Variants in HNRNPLL observed in about 807,000 individuals in gnomAD.
HNRNPLL encodes heterogeneous nuclear ribonucleoprotein L-like.
HNRNPLL carries 25 observed loss-of-function variants against 67.1 expected under a neutral mutation model. The ratio of observed to expected loss-of-function variants is 0.37; its 90% CI spans 0.27 to 0.52. HNRNPLL has a LOEUF of 0.52. Ranked by LOEUF, HNRNPLL falls within the 20% of genes least tolerant of loss-of-function variation. The pLI is 0.90. For missense variants in HNRNPLL, 542 were observed against 673.9 expected, an observed-to-expected ratio of 0.80 and a Z score of 2.17; for synonymous variants, 267 against 241.7, an observed-to-expected ratio of 1.10 and a Z score of -0.97.
chr2:38,577,584 T>G, intron 6 of HNRNPLL, 52 bp from the exon 7 acceptor site: 1 of 1,099,480 alleles, frequency 9.1e-7, no homozygotes, highest in Admixed American at 1.7e-5. Flanking sequence ...AAGTACTTAA[T>G]GGAGTTCTCA....
In HNRNPLL at chr2:38,585,764, C is replaced by T. The variant is rs1341088416; in HGVS notation, c.426G>A (p.Gln142=). 6.2e-7 allele frequency: 1 copy of T among 1,613,590 alleles called. No homozygotes were observed. Among genetic ancestry groups the T allele is most frequent in the South Asian group, 1.1e-5 (1 of 91,072 alleles). ...TGCTTGTAGAATAGTTGAAAAAAGCCTGTTGACCAGCAATGTACACGGGTT... is the reference window on the plus strand; with the variant it reads ...TGCTTGTAGAATAGTTGAAAAAAGCTTGTTGACCAGCAATGTACACGGGTT... ...ADEPVYIAGQ[Q]AFFNYSTSKR... Residue 142 remains glutamine (Q), a synonymous_variant, in exon 3 of 13, where the codon CAG becomes CAA. Transcript: ENST00000449105.
chr2:38,567,432 T>C (rs2148335294), intron 12 of HNRNPLL, among the ~76,000 whole-genome samples: 1 of 152,264 alleles, frequency 6.6e-6, no homozygotes, highest in South Asian at 2.1e-4. Flanking sequence ...TAAAAATATA[T>C]GTAATTATAT....
At chr2:38,570,943 G>A (rs1666053858) in intron 8 of HNRNPLL, among the ~76,000 whole-genome samples, 1 of 152,062 alleles carries the variant, frequency 6.6e-6, no homozygotes, top group Non-Finnish European at 1.5e-5. Flanking sequence ...AGCTACTCAG[G>A]AGGCTGAGGC....
intron 8 of HNRNPLL, among the ~76,000 whole-genome samples, chr2:38,571,101 A>C (rs1666060759): frequency 6.6e-6 from 1 of 152,070 alleles, no homozygotes; most frequent in South Asian, 2.1e-4. Context: ...AGATAGATAG[A>C]GAGACAGAGA....
At chr2:38,599,961 G>A (rs572477654) in intron 1 of HNRNPLL, 1 of 467,552 alleles carries the variant, frequency 2.1e-6, no homozygotes, top group South Asian at 1.6e-5. Flanking sequence ...GACCACTGAA[G>A]TTGTGCAAAA....
In HNRNPLL at chr2:38,564,179, T is replaced by G. The variant is rs1665759616; in HGVS notation, c.*3A>C. On this transcript the variant is annotated 3_prime_UTR_variant, in exon 13 of 13. Coordinates refer to ENST00000449105, the MANE Select transcript of HNRNPLL (RefSeq NM_138394.4). ...ACATAAATTCTAACATGCTCTTCTCTTCTTATAAATGGGATGATGTAGAAA... is the reference window on the plus strand; with the variant it reads ...ACATAAATTCTAACATGCTCTTCTCGTCTTATAAATGGGATGATGTAGAAA... The G allele has an allele frequency of 6.6e-7, 1 of 1,510,934 alleles. No individual in the cohort carries two copies. Among genetic ancestry groups the G allele is most frequent in the African/African-American group, 1.4e-5 (1 of 72,724 alleles). The allele number at this position is 1,510,934 out of a possible 1,614,324, so 93.6% of individuals were successfully genotyped here.
At chr2:38,589,737 C>T (rs2148373160) in intron 2 of HNRNPLL, among the ~76,000 whole-genome samples, 1 of 152,170 alleles carries the variant, frequency 6.6e-6, no homozygotes, top group African/African-American at 2.4e-5. Context: ...AATTCCTAAC[C>T]TTCATGTCAT....
intron 4 of HNRNPLL, 63 bp downstream of exon 4, chr2:38,583,778 A>T: frequency 1.3e-6 from 1 of 769,864 alleles, no homozygotes; most frequent in Non-Finnish European, 2.1e-6. Context: ...AGAAATGCTT[A>T]AGCCAGAAAA....
intron 1 of HNRNPLL, among the ~76,000 whole-genome samples, chr2:38,598,897 C>T (rs1667314734): frequency 6.6e-6 from 1 of 152,246 alleles, no homozygotes; most frequent in African/African-American, 2.4e-5. Context: ...CAAGACACTA[C>T]TGCTATGCAA....
At chr2:38,569,418 CT>C (rs1665986285) in intron 9 of HNRNPLL, 84 bp from the exon 10 acceptor site, 12 of 994,828 alleles carry the variant, frequency 1.2e-5, no homozygotes, top group Middle Eastern at 3.1e-4. Flanking sequence ...ATATATTTTG[CT>C]TGCATAAATC....
chr2:38,592,700 T>C (rs566779164), intron 1 of HNRNPLL, among the ~76,000 whole-genome samples: 1 of 152,358 alleles, frequency 6.6e-6, no homozygotes, highest in South Asian at 2.1e-4. Context: ...TTCATTTACT[T>C]ATTCAAGTTC....
At position 38,585,637 on chromosome 2, in the gene HNRNPLL, C is replaced by T. The variant is rs1424998741; in HGVS notation, c.546+7G>A. ...TTTAATTTCATTTGTCATATTAAAA[C>T]ACATACCACTGTAATTGGATAAAGC... On this transcript the variant is annotated splice_region_variant and intron_variant, in intron 3 of 12. Transcript: ENST00000449105. 3.9e-6 allele frequency: 6 copies of T among 1,530,134 alleles called. No individual in the cohort carries two copies. The African/African-American group carries it at 5.5e-5, about 14-fold the overall frequency. 94.8% of individuals were successfully genotyped at this position (1,530,134 alleles called of 1,614,324 possible).
chr2:38,582,853 AC>A (rs1281836848), intron 4 of HNRNPLL, among the ~76,000 whole-genome samples: 3 of 151,770 alleles, frequency 2.0e-5, no homozygotes, highest in Admixed American at 2.0e-4. Flanking sequence ...ACCCTGGGCA[AC>A]AAAAAGCAAA....
Position 38,602,807 on chromosome 2 carries a change from A to G in HNRNPLL, c.-181T>C. ...GCGGCTGAGAAGCGCGGACGGACTG[A>G]GGGGGGCGCCCCGGGAGGAAGCTCT... On this transcript the variant is annotated 5_prime_UTR_variant, in exon 1 of 13. Coordinates refer to ENST00000449105, the MANE Select transcript of HNRNPLL (RefSeq NM_138394.4). The G allele has an allele frequency of 6.5e-7, 1 of 1,543,990 alleles. No homozygotes were observed. Among genetic ancestry groups the G allele is most frequent in the East Asian group, 2.5e-5 (1 of 39,950 alleles).
intron 3 of HNRNPLL, among the ~76,000 whole-genome samples, chr2:38,584,215 C>T (rs1376564467): frequency 6.6e-6 from 1 of 152,150 alleles, no homozygotes; most frequent in African/African-American, 2.4e-5. Context: ...GCATGCACCA[C>T]CACACAAGGT....
chr2:38,602,418 G>C lies in HNRNPLL; in HGVS notation c.189+20C>G, dbSNP rs1667480713. ...GGGGAGCAGCCAGGCACAGCGGACA[G>C]GGGGGCCGCGCTTTGTTACCGGCTG... On this transcript the variant is annotated intron_variant, in intron 1 of 12. Transcript: ENST00000449105. 16 of 1,543,356 alleles carry C rather than the reference G, an allele frequency of 1.0e-5. No individual in the cohort carries two copies. The highest frequency in any genetic ancestry group is 2.3e-4 in the Middle Eastern group (1 of 4,436).
At chr2:38,574,533 A>C (rs539670844) in intron 7 of HNRNPLL, among the ~76,000 whole-genome samples, 1 of 151,896 alleles carries the variant, frequency 6.6e-6, no homozygotes, top group South Asian at 2.1e-4. Flanking sequence ...ACTAAGGGAC[A>C]ACTGTCATCT....
In HNRNPLL at chr2:38,588,416, G is replaced by T. The variant is rs904935736; in HGVS notation, c.309-2535C>A. Among the ~76,000 whole-genome samples, 9 of 151,918 alleles carry T rather than the reference G, an allele frequency of 5.9e-5. No individual in the cohort carries two copies. In the East Asian group the frequency reaches 1.7e-3, roughly 29 times the overall value. On this transcript the variant is annotated intron_variant, in intron 2 of 12. Transcript: ENST00000449105. Reference sequence around the variant, plus strand: ...TATAAAAAATTAGCCAGGCACGGTGGCAGGCGCCTGTAATCCCAGCTACTT... The same window carrying T: ...TATAAAAAATTAGCCAGGCACGGTGTCAGGCGCCTGTAATCCCAGCTACTT...
chr2:38,600,027 A>G (rs1667360664), intron 1 of HNRNPLL: 2 of 405,178 alleles, frequency 4.9e-6, no homozygotes, highest in Non-Finnish European at 1.0e-5. Flanking sequence ...ACAAGACAGT[A>G]AACTTCTATC....
Sources: allele counts gnomAD v4.1 joint callset (sites outside exome capture counted in the v4.1 genomes callset), GRCh38; gene constraint gnomAD v4.1.1; transcripts MANE v1.5; gene names NCBI Gene and HGNC (gene_info 2026-07-23, HGNC 2026-07-21).